SI: variants seen among roughly 807,000 people sequenced by gnomAD.
The protein encoded by SI is sucrase-isomaltase, intestinal.
A neutral mutation model predicts 253.3 loss-of-function variants in SI; 235 were observed. That is an observed-to-expected ratio of 0.93 (90% CI 0.83 to 1.03). The LOEUF (loss-of-function observed/expected upper bound fraction) is 1.03, where lower values mean the gene tolerates loss of function less well. Among genes scored for constraint, SI ranks in the 50% least tolerant of loss-of-function variants. The pLI is 0.00. For synonymous variants in SI, 819 were observed against 712.0 expected (o/e 1.15, Z -2.39); for missense variants, 2,442 against 2,211.1 (o/e 1.10, Z -2.09).
At chr3:164,984,829 T>C (rs1559975946) in intron 45 of SI, among the ~76,000 whole-genome samples, 1 of 152,154 alleles carries the variant, frequency 6.6e-6, no homozygotes, top group Non-Finnish European at 1.5e-5. Context: ...TCAGATTGGA[T>C]GCCCATCAAC....
the SI span, among the ~76,000 whole-genome samples, chr3:165,087,737 CA>C: frequency 6.6e-6 from 1 of 152,134 alleles, no homozygotes; most frequent in Non-Finnish European, 1.5e-5. Context: ...ATTTTGCTAT[CA>C]GATTTATATT....
intron 16 of SI, 103 bp downstream of exon 16, chr3:165,046,738 C>CAAA (rs2108228122): frequency 2.1e-6 from 2 of 951,444 alleles, no homozygotes; most frequent in East Asian, 5.3e-5. Flanking sequence ...TGAATTATTT[C>CAAA]TGTAACATGC....
chr3:165,032,471 T>C (rs1294437175), intron 24 of SI, 51 bp downstream of exon 24: 2 of 1,244,858 alleles, frequency 1.6e-6, no homozygotes, highest in Non-Finnish European at 2.3e-6. Context: ...TTATATAATA[T>C]TAAATATGAG....
In SI at chr3:165,074,675, A is replaced by G; in HGVS notation, c.119-8T>C. 3 of 1,603,838 alleles carry G rather than the reference A, an allele frequency of 1.9e-6. No individual in the cohort carries two copies. Among genetic ancestry groups the G allele is most frequent in the Non-Finnish European group, 2.6e-6 (3 of 1,171,874 alleles). On this transcript the variant is annotated splice_polypyrimidine_tract_variant and splice_region_variant and intron_variant, in intron 2 of 47. Coordinates refer to ENST00000264382, the MANE Select transcript of SI (RefSeq NM_001041.4). Reference sequence around the variant, plus strand: ...AAGTAGAATCACTAATTTCTGGGGGAGGAAAAAACTCAATAAAATAAAACA... The same window carrying G: ...AAGTAGAATCACTAATTTCTGGGGGGGGAAAAAACTCAATAAAATAAAACA...
At chr3:165,081,829 T>C (rs146443413), upstream of SI, among the ~76,000 whole-genome samples, 89 of 151,998 alleles carry the variant, frequency 5.9e-4, no homozygotes, top group African/African-American at 2.0e-3. Flanking sequence ...CCAAGGTTCC[T>C]GCCTGGGTCA....
In SI at chr3:164,979,165, C is replaced by A; in HGVS notation, c.*197G>T. The A allele has an allele frequency of 1.8e-6, 1 of 549,990 alleles. No individual in the cohort carries two copies. The highest frequency in any genetic ancestry group is 3.3e-6 in the Non-Finnish European group (1 of 306,610). 34.1% of individuals were successfully genotyped at this position (549,990 alleles called of 1,614,324 possible). Reference sequence around the variant, plus strand: ...GCTATTCAAATTTTGTTAAATATGCCTTAAAATTGAATCCAAGTCACATTA... The same window carrying A: ...GCTATTCAAATTTTGTTAAATATGCATTAAAATTGAATCCAAGTCACATTA... On this transcript the variant is annotated 3_prime_UTR_variant, in exon 48 of 48. Coordinates refer to ENST00000264382, the MANE Select transcript of SI (RefSeq NM_001041.4).
chr3:165,021,239 C>G lies in SI; in HGVS notation c.3244G>C (p.Gly1082Arg). 2 of 1,610,420 alleles carry G rather than the reference C, an allele frequency of 1.2e-6. No homozygotes were observed. The highest frequency in any genetic ancestry group is 1.7e-6 in the Non-Finnish European group (2 of 1,177,432). The change falls in exon 27 of 48, where the codon GGA becomes CGA. Residue 1082 changes from glycine (G) to arginine (R), a missense_variant. Coordinates refer to ENST00000264382, the MANE Select transcript of SI (RefSeq NM_001041.4). Reference sequence around the variant, plus strand: ...AATTCAATTACTTACATGACTCTTCCACTGCTTCTCCGTCGAATCTGGATG... The same window carrying G: ...AATTCAATTACTTACATGACTCTTCGACTGCTTCTCCGTCGAATCTGGATG... The part of the protein sequence containing the change: ...FGIQIRRRSS[G>R]RVIWDSWLPG...
Position 164,991,473 on chromosome 3 carries a change from T to C in SI, c.4988A>G (p.Lys1663Arg). Residue 1663 changes from lysine to arginine, a missense_variant, in exon 44 of 48, where the codon AAA (lysine) becomes AGA (arginine). Physicochemically the swap from Lys to Arg is conservative, Grantham distance 26. Coordinates refer to ENST00000264382, the MANE Select transcript of SI (RefSeq NM_001041.4). ...NARWFDYHTG[K>R]DIGVRGQFQT... ...AAATTGTCCTCTGACGCCAATATCT[T>C]TGCCCTGGAAATGAAAGGGATGGAA... is the stretch of plus-strand genomic sequence containing the variant. The C allele has an allele frequency of 6.2e-7, 1 of 1,613,540 alleles. No individual in the cohort carries two copies. The highest frequency in any genetic ancestry group is 8.5e-7 in the Non-Finnish European group (1 of 1,179,668).
intron 33 of SI, among the ~76,000 whole-genome samples, 192 bp from the exon 34 acceptor site, chr3:165,013,234 T>A (rs550107804): frequency 3.9e-5 from 6 of 152,292 alleles, no homozygotes; most frequent in African/African-American, 1.4e-4. Context: ...CATGTTAGTC[T>A]CCTCTTTAAT....
rs1467666131 is a variant in SI at position 165,023,656 on chromosome 3, T to A, written c.3013A>T (p.Asn1005Tyr). ...ITADLQLNTA[N>Y]ARIKLPSDPI... The stretch of plus-strand genomic sequence containing the variant: ...TCAGAAGGTAACTTTATTCTGGCAT[T>A]TGCAGTATTTAGTTGGAGGTCAGCT... Residue 1005 changes from asparagine to tyrosine, a missense_variant, in exon 26 of 48, where the codon AAT becomes TAT. Transcript: ENST00000264382. 6.2e-7 allele frequency: 1 copy of A among 1,610,904 alleles called. No individual in the cohort carries two copies. Among genetic ancestry groups the A allele is most frequent in the African/African-American group, 1.3e-5 (1 of 74,670 alleles).
intron 25 of SI, among the ~76,000 whole-genome samples, chr3:165,027,929 C>T (rs1465264412): frequency 6.6e-6 from 1 of 151,284 alleles, no homozygotes; most frequent in African/African-American, 2.4e-5. Context: ...ACTGGAAGTC[C>T]TAGCCAGAGC....
chr3:164,987,446 C>T (rs137925697), intron 44 of SI, among the ~76,000 whole-genome samples: 10 of 152,228 alleles, frequency 6.6e-5, no homozygotes, highest in African/African-American at 1.7e-4. Context: ...TGCGGTGGCT[C>T]ACGCCTGTAA....
intron 31 of SI, among the ~76,000 whole-genome samples, chr3:165,016,424 T>G (rs1719033365): frequency 6.6e-6 from 1 of 152,000 alleles, no homozygotes; most frequent in Admixed American, 6.6e-5. Context: ...GAAATTAGGT[T>G]AAATGACAAA....
At chr3:164,995,569 G>A (rs1463025240) in intron 40 of SI, among the ~76,000 whole-genome samples, 1 of 151,434 alleles carries the variant, frequency 6.6e-6, no homozygotes, top group Non-Finnish European at 1.5e-5. Context: ...CCCTCCTTCT[G>A]CATTTGAATT....
chr3:165,029,601 C>T (rs1365011225), intron 25 of SI, among the ~76,000 whole-genome samples: 2 of 142,886 alleles, frequency 1.4e-5, no homozygotes, highest in Admixed American at 1.4e-4. Flanking sequence ...TATATATATA[C>T]ATATATATGT....
the SI span, among the ~76,000 whole-genome samples, chr3:165,084,137 A>G: frequency 2.0e-5 from 3 of 152,168 alleles, no homozygotes; most frequent in South Asian, 6.2e-4. Context: ...TTTTCTATAA[A>G]AAAGGCCCCA....
chr3:165,056,598 T>G (rs1713704685), intron 12 of SI, among the ~76,000 whole-genome samples: 1 of 152,134 alleles, frequency 6.6e-6, no homozygotes, highest in African/African-American at 2.4e-5. Context: ...ATCTGTGCAC[T>G]TTCTGAAGGG....
chr3:165,088,353 T>A, the SI span, among the ~76,000 whole-genome samples: 1 of 133,270 alleles, frequency 7.5e-6, no homozygotes, highest in African/African-American at 2.9e-5. Context: ...TCTCAAAAAA[T>A]AAATAAATAG....
chr3:165,006,161 T>G (rs1337043778), intron 37 of SI, among the ~76,000 whole-genome samples: 1 of 152,192 alleles, frequency 6.6e-6, no homozygotes, highest in East Asian at 1.9e-4. Flanking sequence ...CAGGCTGGAG[T>G]GCAATGGCAC....
Sources: gnomAD v4.1 joint callset for allele counts (sites outside exome capture counted in the v4.1 genomes callset) on GRCh38, gnomAD v4.1.1 for gene constraint, MANE v1.5 for transcripts, NCBI Gene and HGNC (gene_info 2026-07-23, HGNC 2026-07-21) for gene names.